MFSD8: variants seen among roughly 807,000 people sequenced by gnomAD.
MFSD8 encodes the protein major facilitator superfamily domain containing 8.
Under a neutral mutation model 66.4 loss-of-function variants are expected in MFSD8, and 55 were observed. That is an observed-to-expected ratio of 0.83 (90% CI 0.67 to 1.04). MFSD8 has a LOEUF of 1.04. Ranked by LOEUF, MFSD8 falls within the 50% of genes least tolerant of loss-of-function variation. MFSD8 has a pLI of 0.00. For synonymous variants in MFSD8, 202 were observed against 212.8 expected, an observed-to-expected ratio of 0.95 and a Z score of 0.44; for missense variants, 550 against 627.6, an observed-to-expected ratio of 0.88 and a Z score of 1.32.
chr4:127,962,382 C>T (rs1355370697), intron 1 of MFSD8, among the ~76,000 whole-genome samples: 2 of 152,024 alleles, frequency 1.3e-5, no homozygotes, highest in Non-Finnish European at 2.9e-5. Flanking sequence ...GCAGGAGAAT[C>T]GCTTGAACCT....
intron 9 of MFSD8, 117 bp from the exon 10 acceptor site, chr4:127,922,080 A>G (rs1340332659): frequency 8.1e-6 from 8 of 990,130 alleles, no homozygotes; most frequent in African/African-American, 1.6e-5. Flanking sequence ...TATATCCATT[A>G]AAAAGAATGC....
chr4:127,932,669 T>C (rs921973521), intron 8 of MFSD8: 4 of 223,702 alleles, frequency 1.8e-5, no homozygotes, highest in Non-Finnish European at 3.5e-5. Context: ...TAGGAAATTA[T>C]AGAGCTTAAG....
chr4:127,946,176 T>G (rs1741000967), intron 3 of MFSD8, among the ~76,000 whole-genome samples: 1 of 152,070 alleles, frequency 6.6e-6, no homozygotes, highest in East Asian at 1.9e-4. Context: ...CCTCCCAACT[T>G]GGCCTCCCAA....
At position 127,957,461 on chromosome 4, in the gene MFSD8, C is replaced by A. The variant is rs756856618; in HGVS notation, c.154+40G>T. On this transcript the variant is annotated intron_variant, in intron 2 of 11. Transcript: ENST00000641686. ...AGTAAATGAAGTTAAAATATGACAT[C>A]TGATCTGAATTGTTAAAATTATGTA... 4.5e-6 allele frequency: 6 copies of A among 1,336,752 alleles called. No homozygotes were observed. In the African/African-American group the frequency reaches 7.2e-5, roughly 16 times the overall value. 82.8% of individuals were successfully genotyped at this position (1,336,752 alleles called of 1,614,324 possible). A position where few individuals can be genotyped will look rare whatever the true frequency, so the allele number is the denominator to read the frequency against.
intron 5 of MFSD8, among the ~76,000 whole-genome samples, chr4:127,941,016 G>C (rs979342260): frequency 1.3e-5 from 2 of 152,088 alleles, no homozygotes; most frequent in African/African-American, 2.4e-5. Context: ...TCTTTAAAAT[G>C]CTTTTAAGGT....
chr4:127,944,539 T>G (rs921761743), intron 3 of MFSD8, among the ~76,000 whole-genome samples: 7 of 152,170 alleles, frequency 4.6e-5, no homozygotes, highest in African/African-American at 1.4e-4. Context: ...TTCTACCACT[T>G]TAAAAGGGTT....
Position 127,918,105 on chromosome 4 carries a change from T to A in MFSD8, c.*2525A>T, listed in dbSNP as rs923289749. The stretch of plus-strand genomic sequence containing the variant: ...TGAAGTTATAAATCCCTTCAAAATA[T>A]GAAAATCATCCTTTCAAGTTTAAAT... On this transcript the variant is annotated 3_prime_UTR_variant, in exon 12 of 12. Transcript: ENST00000641686. The A allele has an allele frequency of 2.6e-5, 4 of 152,222 alleles. No homozygotes were observed. The South Asian group carries it at 8.3e-4, about 31-fold the overall frequency. The allele number at this position is 152,222 out of a possible 1,614,324, so 9.4% of individuals were successfully genotyped here. A position where few individuals can be genotyped will look rare whatever the true frequency, so the allele number is the denominator to read the frequency against.
chr4:127,921,759 T>C lies in MFSD8; in HGVS notation c.1115A>G (p.Asn372Ser), dbSNP rs779835846. 1 of 1,614,190 alleles carries C rather than the reference T, an allele frequency of 6.2e-7. No individual in the cohort carries two copies. The highest frequency in any genetic ancestry group is 8.5e-7 in the Non-Finnish European group (1 of 1,180,034). Residue 372 changes from asparagine to serine, a missense_variant, in exon 11 of 12, where the codon AAT (asparagine) becomes AGT (serine). Asn to Ser is a conservative substitution (Grantham distance 46, BLOSUM62 1). Coordinates refer to ENST00000641686, the MANE Select transcript of MFSD8 (RefSeq NM_001371596.2). ...CCCAAATGTGGTATTAGGGATTGAA[T>C]TATTGTGCAAATCTGTAAAAACAAA... ...PKIQWEDLHN[N>S]SIPNTTFGEI... is the part of the protein sequence containing the mutation.
intron 9 of MFSD8, among the ~76,000 whole-genome samples, chr4:127,924,179 TG>T (rs910729435): frequency 1.3e-5 from 2 of 152,182 alleles, no homozygotes; most frequent in Admixed American, 1.3e-4. Context: ...AACTTATTAT[TG>T]GTCAATTCAG....
chr4:127,965,525 T>C (rs987492661), upstream of MFSD8: 4 of 323,742 alleles, frequency 1.2e-5, no homozygotes, highest in African/African-American at 2.1e-5. Context: ...GGGACCAAAG[T>C]TGAGTCCTGG....
intron 3 of MFSD8, among the ~76,000 whole-genome samples, chr4:127,946,869 T>G (rs541337704): frequency 2.3e-4 from 34 of 150,572 alleles, no homozygotes; most frequent in Admixed American, 6.0e-4. Flanking sequence ...GAGCCAAGAT[T>G]GCATCACTGA....
chr4:127,927,902 T>C (rs371032941), intron 9 of MFSD8, among the ~76,000 whole-genome samples: 2 of 152,080 alleles, frequency 1.3e-5, no homozygotes, highest in South Asian at 2.1e-4. Context: ...CATTATATCA[T>C]AGTGAGATAA....
At chr4:127,951,785 G>A (rs1742015148) in intron 2 of MFSD8, among the ~76,000 whole-genome samples, 1 of 149,168 alleles carries the variant, frequency 6.7e-6, no homozygotes, top group South Asian at 2.1e-4. Flanking sequence ...CTGGAGTGCA[G>A]TGGCGCAATC....
At chr4:127,939,417 G>A (rs1739719469) in intron 6 of MFSD8, 1 of 162,236 alleles carries the variant, frequency 6.2e-6, no homozygotes, top group Non-Finnish European at 1.3e-5. Context: ...TTTGAGGTCA[G>A]GAGTTCAAGA....
intron 9 of MFSD8, among the ~76,000 whole-genome samples, chr4:127,929,421 T>TAAA (rs35191908): frequency 3.2e-5 from 4 of 123,618 alleles, no homozygotes; most frequent in South Asian, 2.5e-4. Flanking sequence ...TACAAAAAGT[T>TAAA]AAAAAAAAAA....
chr4:127,927,805 A>G (rs190484371), intron 9 of MFSD8, among the ~76,000 whole-genome samples: 54 of 151,460 alleles, frequency 3.6e-4, no homozygotes, highest in East Asian at 2.4e-3. Flanking sequence ...TCTCGCCTCA[A>G]CCTCCCAAGT....
At chr4:127,948,617 C>T (rs532475265) in intron 3 of MFSD8, among the ~76,000 whole-genome samples, 1 of 152,324 alleles carries the variant, frequency 6.6e-6, no homozygotes, top group African/African-American at 2.4e-5. Flanking sequence ...ATTGAGGTTG[C>T]TGCAGACCTG....
At chr4:127,930,868 T>A (rs776922346) in intron 8 of MFSD8, 51 bp from the exon 9 acceptor site, 1 of 1,524,672 alleles carries the variant, frequency 6.6e-7, no homozygotes, top group South Asian at 1.2e-5. Flanking sequence ...GTAACTGTTA[T>A]ACTTAAAGTG....
Position 127,962,739 on chromosome 4 carries a change from T to C in MFSD8, c.62+2333A>G, listed in dbSNP as rs555747795. Among the ~76,000 whole-genome samples, 3 of 152,320 alleles carry C rather than the reference T, an allele frequency of 2.0e-5. No individual in the cohort carries two copies. The East Asian group carries it at 5.8e-4, about 29-fold the overall frequency. Reference sequence around the variant, plus strand: ...AAGCAAACAGTCCCAAATGTCTCAATAGGCTCTCAGGACATCACTCTACTA... The same window carrying C: ...AAGCAAACAGTCCCAAATGTCTCAACAGGCTCTCAGGACATCACTCTACTA... On this transcript the variant is annotated intron_variant, in intron 1 of 11. Transcript: ENST00000641686.
Sources: gnomAD v4.1 joint callset for allele counts (sites outside exome capture counted in the v4.1 genomes callset) on GRCh38, gnomAD v4.1.1 for gene constraint, MANE v1.5 for transcripts, NCBI Gene and HGNC (gene_info 2026-07-23, HGNC 2026-07-21) for gene names.